SP100: variants seen among roughly 807,000 people sequenced by gnomAD.
The protein encoded by SP100 is nuclear autoantigen Sp-100.
In SP100, 84 loss-of-function variants were observed where a neutral mutation model predicts 130.0. The observed-to-expected ratio is 0.65, with a 90% CI of 0.54 to 0.77. SP100 has a LOEUF of 0.77. Among genes scored for constraint, SP100 ranks in the 30% least tolerant of loss-of-function variants. The pLI is 0.00. For synonymous variants in SP100, 331 were observed against 351.7 expected, an observed-to-expected ratio of 0.94 and a Z score of 0.66; for missense variants, 978 against 1,052.2, an observed-to-expected ratio of 0.93 and a Z score of 0.97.
chr2:230,527,491 T>C (rs1410074698), intron 24 of SP100, among the ~76,000 whole-genome samples: 1 of 152,140 alleles, frequency 6.6e-6, no homozygotes, highest in Non-Finnish European at 1.5e-5. Flanking sequence ...TTAAAGACCA[T>C]CGATGCTATG....
chr2:230,543,160 C>A lies in SP100; in HGVS notation c.*214C>A. The A allele has an allele frequency of 5.2e-6, 2 of 386,864 alleles. No homozygotes were observed. The highest frequency in any genetic ancestry group is 9.4e-6 in the Non-Finnish European group (2 of 211,686). The allele number at this position is 386,864 out of a possible 1,614,324, so 24.0% of individuals were successfully genotyped here. On this transcript the variant is annotated 3_prime_UTR_variant, in exon 29 of 29. Transcript: ENST00000340126. ...TAAGCTAGGTATTGAGGAACATATC[C>A]CAAAATAATAAGAGCCATTTATGAC...
intron 17 of SP100, chr2:230,493,771 T>C (rs1475384416): frequency 6.6e-6 from 1 of 152,226 alleles, no homozygotes; most frequent in African/African-American, 2.4e-5. Flanking sequence ...TTCTTTCTTT[T>C]TTTTATTTCT....
chr2:230,425,464 G>A (rs542024719), intron 2 of SP100, among the ~76,000 whole-genome samples: 166 of 151,958 alleles, frequency 1.1e-3, no homozygotes, highest in Admixed American at 2.5e-3. Context: ...TTTTTATCAT[G>A]AAAGGATGCT....
chr2:230,485,175 A>G (rs1434265019), intron 17 of SP100, among the ~76,000 whole-genome samples: 1 of 150,884 alleles, frequency 6.6e-6, no homozygotes. Flanking sequence ...CTGGTCTTGA[A>G]CTCCTGGTCT....
intron 17 of SP100, among the ~76,000 whole-genome samples, chr2:230,478,497 A>G (rs947351765): frequency 6.6e-6 from 1 of 152,222 alleles, no homozygotes; most frequent in African/African-American, 2.4e-5. Context: ...GAAAAGACAC[A>G]CTTCCATATT....
At chr2:230,500,845 C>T (rs2066980801) in intron 19 of SP100, among the ~76,000 whole-genome samples, 1 of 152,106 alleles carries the variant, frequency 6.6e-6, no homozygotes, top group Non-Finnish European at 1.5e-5. Flanking sequence ...TGAAACTGAT[C>T]GATCTAGAGC....
intron 24 of SP100, chr2:230,538,492 C>G (rs1031558628): frequency 6.6e-6 from 1 of 152,182 alleles, no homozygotes; most frequent in Non-Finnish European, 1.5e-5. Flanking sequence ...CAAGAAATGG[C>G]TCCTAATAGG....
chr2:230,477,948 C>A (rs1975000), intron 17 of SP100, among the ~76,000 whole-genome samples: 95,874 of 130,576 alleles, frequency 0.73, 35,745 homozygotes, highest in South Asian at 0.82. Flanking sequence ...ACAAAACAAA[C>A]AAAAAAAAAA....
intron 24 of SP100, chr2:230,538,106 A>G (rs1420993908): frequency 6.6e-6 from 1 of 152,194 alleles, no homozygotes; most frequent in Non-Finnish European, 1.5e-5. Context: ...AACCCAGACT[A>G]ACTGAATCAA....
chr2:230,523,404 C>T (rs7589130), intron 24 of SP100, among the ~76,000 whole-genome samples: 2,002 of 152,270 alleles, frequency 0.013, 38 homozygotes, highest in African/African-American at 0.046. Flanking sequence ...TGGTGACTCA[C>T]GCCTATAATT....
At chr2:230,464,252 C>A in intron 11 of SP100, 102 bp downstream of exon 11, 1 of 711,484 alleles carries the variant, frequency 1.4e-6, no homozygotes, top group South Asian at 1.6e-5. Flanking sequence ...TCTCCTTATG[C>A]CTTGATTCCA....
chr2:230,435,680 G>A (rs796335547), intron 2 of SP100, among the ~76,000 whole-genome samples: 4 of 152,230 alleles, frequency 2.6e-5, no homozygotes, highest in African/African-American at 9.6e-5. Context: ...GTTAAGACAA[G>A]CATTCACTAG....
At chr2:230,488,400 GGTTTTTGTT>G (rs1021138752) in intron 17 of SP100, among the ~76,000 whole-genome samples, 4 of 151,904 alleles carry the variant, frequency 2.6e-5, no homozygotes, top group African/African-American at 9.7e-5. Flanking sequence ...TGTTTGTTTG[GGTTTTTGTT>G]GTTTTTGTTG....
At chr2:230,479,511 C>A (rs973014152) in intron 17 of SP100, among the ~76,000 whole-genome samples, 2 of 152,176 alleles carry the variant, frequency 1.3e-5, no homozygotes, top group Admixed American at 1.3e-4. Context: ...CACTCCCAAC[C>A]CTCCCACAAC....
intron 2 of SP100, among the ~76,000 whole-genome samples, chr2:230,441,105 A>T (rs185640928): frequency 1.5e-3 from 235 of 152,288 alleles, no homozygotes; most frequent in African/African-American, 5.4e-3. Flanking sequence ...TAATATATTT[A>T]AAAAATGCCT....
At chr2:230,488,854 C>T (rs2066253930) in intron 17 of SP100, among the ~76,000 whole-genome samples, 1 of 152,230 alleles carries the variant, frequency 6.6e-6, no homozygotes, top group Admixed American at 6.5e-5. Context: ...ACCAGCCTTG[C>T]ATCCCAGGGA....
intron 17 of SP100, chr2:230,493,767 C>CT (rs1030675613): frequency 7.2e-5 from 11 of 151,746 alleles, no homozygotes; most frequent in African/African-American, 1.9e-4. Flanking sequence ...TAATTTCTTT[C>CT]TTTTTTTTAT....
At position 230,515,882 on chromosome 2, in the gene SP100, ATT is replaced by A; in HGVS notation, c.2094+4718_2094+4719del. 6 of 1,240,974 alleles carry A rather than the reference ATT, an allele frequency of 4.8e-6. No homozygotes were observed. The South Asian group carries it at 1.5e-4, about 31-fold the overall frequency. The allele number at this position is 1,240,974 out of a possible 1,614,324, so 76.9% of individuals were successfully genotyped here. Reference sequence around the variant, plus strand: ...ATGGGGGTTGTAAATTGGCATGGAAATTTAAAGCAGGTTCTTGTTAGTGCACA... The same window carrying A: ...ATGGGGGTTGTAAATTGGCATGGAAATAAAGCAGGTTCTTGTTAGTGCACA... On this transcript the variant is annotated intron_variant, in intron 24 of 28. Transcript: ENST00000340126.
At chr2:230,448,355 C>A (rs1033299058) in intron 5 of SP100, among the ~76,000 whole-genome samples, 1 of 152,056 alleles carries the variant, frequency 6.6e-6, no homozygotes. Flanking sequence ...TACTCTGTGG[C>A]GGTTGGTTTA....
Sources: allele counts gnomAD v4.1 joint callset (sites outside exome capture counted in the v4.1 genomes callset), GRCh38; gene constraint gnomAD v4.1.1; transcripts MANE v1.5; gene names NCBI Gene and HGNC (gene_info 2026-07-23, HGNC 2026-07-21).